Variants in IL18R1 observed in about 807,000 individuals in gnomAD.
IL18R1 encodes interleukin 18 receptor 1.
In IL18R1, 40 loss-of-function variants were observed where a neutral mutation model predicts 48.5. The ratio of observed to expected loss-of-function variants is 0.82; its 90% CI spans 0.64 to 1.07. The LOEUF is 1.07. Ranked by LOEUF, IL18R1 falls within the 50% of genes least tolerant of loss-of-function variation. IL18R1 has a pLI of 0.00. For synonymous variants in IL18R1, 232 were observed against 225.9 expected (o/e 1.03, Z -0.24); for missense variants, 596 against 633.7 (o/e 0.94, Z 0.64).
chr2:102,385,079 C>T lies in IL18R1; in HGVS notation c.809+81C>T. 2 of 704,710 alleles carry T rather than the reference C, an allele frequency of 2.8e-6. 1 individual carries two copies. The highest frequency in any genetic ancestry group is 6.9e-5 in the East Asian group (2 of 28,996). 43.7% of individuals were successfully genotyped at this position (704,710 alleles called of 1,614,324 possible). On this transcript the variant is annotated intron_variant, in intron 7 of 10. Coordinates refer to ENST00000233957, the MANE Select transcript of IL18R1 (RefSeq NM_003855.5). ...TATATATAACATCATATTAAAAACA[C>T]TGGGTGGCTGATGTGTATTTTGGGC...
intron 10 of IL18R1, among the ~76,000 whole-genome samples, 176 bp from the exon 11 acceptor site, chr2:102,396,355 G>A (rs1680825146): frequency 6.6e-6 from 1 of 152,104 alleles, no homozygotes; most frequent in African/African-American, 2.4e-5. Flanking sequence ...CATTATTATT[G>A]TTACCTAGAG....
chr2:102,384,728 T>C, intron 6 of IL18R1, 150 bp from the exon 7 acceptor site: 1 of 711,694 alleles, frequency 1.4e-6, no homozygotes, highest in South Asian at 1.9e-5. Context: ...TTATATATTT[T>C]GTTTTATTTA....
chr2:102,372,574 A>G (rs1401728344), intron 4 of IL18R1, among the ~76,000 whole-genome samples: 1 of 149,916 alleles, frequency 6.7e-6, no homozygotes, highest in Admixed American at 6.7e-5. Flanking sequence ...GAAGAAAGCA[A>G]AAATCACTCA....
Position 102,376,071 on chromosome 2 carries a change from A to G in IL18R1, c.625+8A>G. The G allele has an allele frequency of 1.3e-6, 2 of 1,552,430 alleles. No individual in the cohort carries two copies. Among genetic ancestry groups the G allele is most frequent in the South Asian group, 2.5e-5 (2 of 81,276 alleles). Reference sequence around the variant, plus strand: ...ATATAACAATAGTGGAAGGTAAGGGAAATCTTAGAATTGGGAAGAAACAGA... The same window carrying G: ...ATATAACAATAGTGGAAGGTAAGGGGAATCTTAGAATTGGGAAGAAACAGA... On this transcript the variant is annotated splice_region_variant and intron_variant, in intron 5 of 10. Coordinates refer to ENST00000233957, the MANE Select transcript of IL18R1 (RefSeq NM_003855.5).
intron 3 of IL18R1, among the ~76,000 whole-genome samples, chr2:102,370,946 A>G (rs1679213611): frequency 6.6e-6 from 1 of 152,246 alleles, no homozygotes; most frequent in South Asian, 2.1e-4. Flanking sequence ...AAATCTATAC[A>G]TCACAGGTGC....
chr2:102,362,247 T>C (rs564388383), intron 1 of IL18R1, among the ~76,000 whole-genome samples: 139 of 152,314 alleles, frequency 9.1e-4, no homozygotes, highest in African/African-American at 3.2e-3. Context: ...ACACACTCTG[T>C]TACATGGGCA....
intron 2 of IL18R1, among the ~76,000 whole-genome samples, chr2:102,364,853 T>C (rs1678793059): frequency 6.6e-6 from 1 of 152,020 alleles, no homozygotes; most frequent in Admixed American, 6.6e-5. Context: ...AGGAGAAGGC[T>C]GAGCAAAAAG....
chr2:102,372,405 GT>G (rs1559622792), intron 4 of IL18R1, among the ~76,000 whole-genome samples: 1 of 152,124 alleles, frequency 6.6e-6, no homozygotes, highest in East Asian at 1.9e-4. Context: ...CGATAAGTTA[GT>G]TTTTAGGAAT....
intron 10 of IL18R1, 113 bp downstream of exon 10, chr2:102,394,740 C>A: frequency 3.5e-6 from 3 of 851,982 alleles, no homozygotes; most frequent in Non-Finnish European, 3.4e-6. Context: ...GAATAAGGTC[C>A]TTTAAGCAAG....
At chr2:102,386,182 G>C (rs925027086) in intron 7 of IL18R1, among the ~76,000 whole-genome samples, 1 of 152,222 alleles carries the variant, frequency 6.6e-6, no homozygotes, top group Non-Finnish European at 1.5e-5. Context: ...GCCCATGTCT[G>C]GCTGTGTTGA....
At chr2:102,356,515 A>AGT (rs143149413) in intron 1 of IL18R1, 115 bp downstream of exon 1, 2,775 of 155,746 alleles carry the variant, frequency 0.018, 48 homozygotes, top group Non-Finnish European at 0.026. Flanking sequence ...AGAGAGAGAT[A>AGT]GTGTGTGTGT....
chr2:102,394,894 G>A (rs920350553), intron 10 of IL18R1, among the ~76,000 whole-genome samples: 6 of 152,118 alleles, frequency 3.9e-5, no homozygotes, highest in East Asian at 1.9e-4. Flanking sequence ...TTTCAGAACC[G>A]GGCCCAGAGC....
intron 4 of IL18R1, chr2:102,373,994 GT>G (rs1163535383): frequency 6.6e-5 from 29 of 441,676 alleles, no homozygotes; most frequent in African/African-American, 4.8e-4. Flanking sequence ...CTACATTATG[GT>G]GAGTTGTATA....
At chr2:102,367,785 T>A in intron 2 of IL18R1, 40 bp from the exon 3 acceptor site, 2 of 1,563,832 alleles carry the variant, frequency 1.3e-6, no homozygotes, top group Non-Finnish European at 1.7e-6. Flanking sequence ...GTCATTTTGG[T>A]TTTTGTTTTT....
Position 102,372,077 on chromosome 2 carries a change from A to C in IL18R1, c.427A>C (p.Ser143Arg). The change falls in exon 4 of 11, where the codon AGT (serine) becomes CGT (arginine). Residue 143 changes from serine (S) to arginine (R), a missense_variant. By Grantham distance (110) the Ser-to-Arg change is moderately radical. Around this residue, in one of 3 missense-constraint regions of IL18R1, gnomAD observed 360 missense variants for 339.4 expected, o/e 1.06. Transcript: ENST00000233957. ...ATTTTTTCAGATAACCTGTGAAAAC[A>C]GTTACTATCAAACACTGGTCAACAG... Reference protein sequence around the residue: ...KKFFQITCENSYYQTLVNSTS... With the variant: ...KKFFQITCENRYYQTLVNSTS... The C allele has an allele frequency of 1.2e-6, 2 of 1,608,010 alleles. No homozygotes were observed. Among genetic ancestry groups the C allele is most frequent in the Non-Finnish European group, 1.7e-6 (2 of 1,178,284 alleles).
intron 10 of IL18R1, among the ~76,000 whole-genome samples, chr2:102,396,032 TG>T (rs1680807586): frequency 6.6e-6 from 1 of 152,216 alleles, no homozygotes; most frequent in African/African-American, 2.4e-5. Flanking sequence ...TGGATGGTTT[TG>T]TTTTGTTGTG....
In IL18R1 at chr2:102,395,412, T is replaced by A. The variant is rs527784103; in HGVS notation, c.1270+785T>A. Reference sequence around the variant, plus strand: ...TTAATCTAATATTTATTGGATACTATTCCTGTGCCAAGTTGTGAACTGGGC... The same window carrying A: ...TTAATCTAATATTTATTGGATACTAATCCTGTGCCAAGTTGTGAACTGGGC... On this transcript the variant is annotated intron_variant, in intron 10 of 10. Transcript: ENST00000233957. Among the ~76,000 whole-genome samples the A allele has an allele frequency of 2.0e-5, 3 of 152,142 alleles. No homozygotes were observed. In the East Asian group the frequency reaches 5.8e-4, roughly 29 times the overall value.
In IL18R1 at chr2:102,394,644, G is replaced by C; in HGVS notation, c.1270+17G>C. On this transcript the variant is annotated intron_variant, in intron 10 of 10. Transcript: ENST00000233957. Reference sequence around the variant, plus strand: ...CTGGAGGAGGTAAGAGGGAATGCCAGATAGAAAAATATTCAAGATAGTTTC... The same window carrying C: ...CTGGAGGAGGTAAGAGGGAATGCCACATAGAAAAATATTCAAGATAGTTTC... The C allele has an allele frequency of 6.4e-7, 1 of 1,571,256 alleles. No individual in the cohort carries two copies. The highest frequency in any genetic ancestry group is 1.2e-5 in the South Asian group (1 of 86,220).
intron 3 of IL18R1, among the ~76,000 whole-genome samples, chr2:102,370,083 A>T (rs2105056498): frequency 6.6e-6 from 1 of 152,310 alleles, no homozygotes; most frequent in South Asian, 2.1e-4. Flanking sequence ...AGTGGTTTTC[A>T]TAACCAGGAT....
Sources: allele counts gnomAD v4.1 joint callset (sites outside exome capture counted in the v4.1 genomes callset), GRCh38; gene constraint gnomAD v4.1.1; regional missense constraint gnomAD v4.1.1; transcripts MANE v1.5; gene names NCBI Gene and HGNC (gene_info 2026-07-23, HGNC 2026-07-21).